The following PTGIS variants were observed in gnomAD, a reference collection of about 807,000 sequenced individuals.
PTGIS encodes prostaglandin I2 synthase, also known as prostacyclin synthase.
PTGIS carries 45 observed loss-of-function variants against 50.3 expected under a neutral mutation model. The observed-to-expected ratio is 0.90, with a 90% CI of 0.70 to 1.15. PTGIS has a LOEUF of 1.15. PTGIS is among the 50% of genes most tolerant of loss of function. The pLI, the probability that PTGIS is intolerant of heterozygous loss-of-function variation, is 0.00. For synonymous variants in PTGIS, 260 were observed against 267.7 expected, an observed-to-expected ratio of 0.97 and a Z score of 0.28; for missense variants, 668 against 661.3, an observed-to-expected ratio of 1.01 and a Z score of -0.11.
In PTGIS at chr20:49,568,047, TGCG is replaced by T; in HGVS notation, c.67_69del (p.Arg23del). 6.8e-7 allele frequency: 1 copy of T among 1,478,112 alleles called. No homozygotes were observed. The highest frequency in any genetic ancestry group is 8.9e-7 in the Non-Finnish European group (1 of 1,120,612). The allele number at this position is 1,478,112 out of a possible 1,614,324, so 91.6% of individuals were successfully genotyped here. On this transcript the variant is annotated inframe_deletion, in exon 1 of 10. Transcript: ENST00000244043. ...CGAGCGGAGCAGGACACTCACCGCG[TGCG>T]GCGGCGGCTCAGTAGCAGCAGCAGC...
intron 1 of PTGIS, among the ~76,000 whole-genome samples, chr20:49,565,623 C>T (rs1202804562): frequency 6.6e-6 from 1 of 152,170 alleles, no homozygotes; most frequent in African/African-American, 2.4e-5. Context: ...TATAATTGTA[C>T]ACTGCACTCC....
intron 4 of PTGIS, among the ~76,000 whole-genome samples, chr20:49,542,051 G>A (rs944017707): frequency 6.6e-6 from 1 of 152,176 alleles, no homozygotes; most frequent in Admixed American, 6.5e-5. Context: ...GCAGACCTGT[G>A]GGGAACAGCA....
At chr20:49,549,666 G>A (rs147560658) in intron 2 of PTGIS, among the ~76,000 whole-genome samples, 31 of 152,302 alleles carry the variant, frequency 2.0e-4, no homozygotes, top group African/African-American at 7.2e-4. Context: ...GGAGGTTGAC[G>A]AATGAATGCT....
intron 1 of PTGIS, among the ~76,000 whole-genome samples, chr20:49,563,245 C>T (rs2122909051): frequency 6.6e-6 from 1 of 152,270 alleles, no homozygotes; most frequent in South Asian, 2.1e-4. Flanking sequence ...CCTGCTTAAC[C>T]CATTCTTCCC....
At chr20:49,537,324 A>G (rs1463758988) in intron 5 of PTGIS, among the ~76,000 whole-genome samples, 1 of 152,206 alleles carries the variant, frequency 6.6e-6, no homozygotes, top group Non-Finnish European at 1.5e-5. Context: ...CTCTACCAAC[A>G]CTAAGTACGC....
chr20:49,523,864 G>A (rs185744069), intron 6 of PTGIS, among the ~76,000 whole-genome samples, 194 bp downstream of exon 6: 131 of 152,308 alleles, frequency 8.6e-4, no homozygotes, highest in Middle Eastern at 3.4e-3. Flanking sequence ...GAACTGGTTT[G>A]GGCAGTGGGT....
chr20:49,548,408 G>A (rs75598141), intron 2 of PTGIS, among the ~76,000 whole-genome samples: 6,380 of 152,248 alleles, frequency 0.042, 466 homozygotes, highest in African/African-American at 0.14. Flanking sequence ...GGCGGCAGAT[G>A]GATCCTGTGC....
intron 1 of PTGIS, among the ~76,000 whole-genome samples, chr20:49,551,665 G>A (rs551176655): frequency 1.4e-4 from 22 of 152,188 alleles, no homozygotes; most frequent in African/African-American, 5.1e-4. Flanking sequence ...TGTAGGCCAT[G>A]GTCACTCATA....
chr20:49,560,657 A>G (rs567545215), intron 1 of PTGIS, among the ~76,000 whole-genome samples: 1 of 152,352 alleles, frequency 6.6e-6, no homozygotes, highest in East Asian at 1.9e-4. Context: ...AAGGATGTGA[A>G]GGGAGTGCTC....
intron 1 of PTGIS, among the ~76,000 whole-genome samples, chr20:49,551,149 G>A (rs967048057): frequency 2.6e-5 from 4 of 152,200 alleles, no homozygotes; most frequent in African/African-American, 7.2e-5. Context: ...GGAGGTTGCA[G>A]TGAGCTGAGA....
chr20:49,522,603 C>T (rs989291983), intron 6 of PTGIS, among the ~76,000 whole-genome samples: 4 of 152,176 alleles, frequency 2.6e-5, no homozygotes, highest in African/African-American at 4.8e-5. Flanking sequence ...GCTGGGACTA[C>T]AGGTGCACAC....
intron 5 of PTGIS, among the ~76,000 whole-genome samples, chr20:49,528,663 T>C (rs1355805368): frequency 6.6e-6 from 1 of 152,088 alleles, no homozygotes; most frequent in East Asian, 1.9e-4. Flanking sequence ...GATTGGATCA[T>C]GGATCAAATC....
intron 1 of PTGIS, 92 bp downstream of exon 1, chr20:49,567,951 G>A: frequency 2.4e-6 from 3 of 1,248,994 alleles, no homozygotes; most frequent in Middle Eastern, 2.9e-4. Context: ...GACTCGGGCC[G>A]GGCCGGCCGC....
chr20:49,568,074 G>GCAA lies in PTGIS; in HGVS notation c.40_42dup (p.Leu19dup). On this transcript the variant is annotated inframe_insertion, in exon 1 of 10. Coordinates refer to ENST00000244043, the MANE Select transcript of PTGIS (RefSeq NM_000961.4). ...CGGCGGCGGCTCAGTAGCAGCAGCA[G>GCAA]CAACAGTGCGGCCAGGAGGCCGAGG... The GCAA allele has an allele frequency of 2.0e-6, 3 of 1,478,902 alleles. No individual in the cohort carries two copies. Among genetic ancestry groups the GCAA allele is most frequent in the Non-Finnish European group, 2.7e-6 (3 of 1,121,704 alleles). The allele number at this position is 1,478,902 out of a possible 1,614,324, so 91.6% of individuals were successfully genotyped here.
chr20:49,513,362 G>C (rs1371616717), intron 7 of PTGIS, 101 bp from the exon 8 acceptor site: 4 of 1,365,748 alleles, frequency 2.9e-6, no homozygotes, highest in Admixed American at 3.9e-5. Flanking sequence ...AAGAGGCTCA[G>C]AGAGGGTGCC....
intron 1 of PTGIS, among the ~76,000 whole-genome samples, chr20:49,558,230 A>T (rs886489697): frequency 6.6e-6 from 1 of 152,184 alleles, no homozygotes; most frequent in African/African-American, 2.4e-5. Context: ...CTCTACAAAA[A>T]ATACAAAAAT....
rs372813518 is a variant in PTGIS at position 49,544,397 on chromosome 20, G to A, written c.429C>T (p.Asn143=). 8.7e-6 allele frequency: 14 copies of A among 1,614,044 alleles called. No homozygotes were observed. The African/African-American group carries it at 1.6e-4, about 18-fold the overall frequency. The change falls in exon 4 of 10, where the codon AAC becomes AAT. Residue 143 remains asparagine (N), a synonymous_variant. Transcript: ENST00000244043. ...CATCGCCCAACAGCACTGCATGGAG[G>A]TTGGTATACATGGCTTCTGTGAGTG... is the stretch of plus-strand genomic sequence containing the variant. ...LQALTEAMYT[N]LHAVLLGDAT...
chr20:49,516,494 C>T (rs1601180944), intron 6 of PTGIS, among the ~76,000 whole-genome samples: 1 of 152,094 alleles, frequency 6.6e-6, no homozygotes. Flanking sequence ...AGGCTGTATC[C>T]AAATCATTTC....
intron 9 of PTGIS, among the ~76,000 whole-genome samples, chr20:49,508,478 G>A (rs13039739): frequency 0.21 from 32,139 of 152,162 alleles, 3,647 homozygotes; most frequent in Middle Eastern, 0.34. Flanking sequence ...GATACCGTGT[G>A]AGTGGAACTA....
Sources: gnomAD v4.1 joint callset for allele counts (sites outside exome capture counted in the v4.1 genomes callset) on GRCh38, gnomAD v4.1.1 for gene constraint, MANE v1.5 for transcripts, NCBI Gene and HGNC (gene_info 2026-07-23, HGNC 2026-07-21) for gene names.